The following FOXN4 variants were observed in gnomAD, a reference collection of about 807,000 sequenced individuals.
FOXN4 encodes the protein forkhead box protein N4.
FOXN4 carries 12 observed loss-of-function variants against 45.0 expected under a neutral mutation model. The ratio of observed to expected loss-of-function variants is 0.27; its 90% CI spans 0.17 to 0.43. The LOEUF is 0.43. Among genes scored for constraint, FOXN4 ranks in the 20% least tolerant of loss-of-function variants. The pLI is 1.00. For missense variants in FOXN4, 560 were observed against 694.9 expected (o/e 0.81, Z 2.18); for synonymous variants, 297 against 295.0 (o/e 1.01, Z -0.07).
rs1424967920 is a variant in FOXN4 at position 109,290,236 on chromosome 12, A to G, written c.137T>C (p.Leu46Pro). 1 of 1,551,480 alleles carries G rather than the reference A, an allele frequency of 6.4e-7. No individual in the cohort carries two copies. ...CACATCCACCGCCGTGAGCCACGAC[A>G]GCGACTGCAGGTCCCCGGGAAGGTC... Reference protein sequence around the residue: ...DDDLPGDLQSLSWLTAVDVPR... With the variant: ...DDDLPGDLQSPSWLTAVDVPR... Residue 46 changes from leucine to proline, a missense_variant, in exon 3 of 10, where the codon CTG (leucine) becomes CCG (proline). By Grantham distance (98) the Leu-to-Pro change is moderately conservative. Around this residue, in one of 5 missense-constraint regions of FOXN4, gnomAD observed 142 missense variants for 185.7 expected, o/e 0.76. Transcript: ENST00000299162. The surrounding 1 kb of genome is among the most constrained non-coding windows in gnomAD (Gnocchi z 5.1).
chr12:109,288,056 G>A lies in FOXN4; in HGVS notation c.357C>T (p.Ser119=), dbSNP rs984157046. 5.5e-5 allele frequency: 85 copies of A among 1,549,930 alleles called. No homozygotes were observed. The highest frequency in any genetic ancestry group is 6.6e-5 in the Non-Finnish European group (76 of 1,146,622). ...GLGPITGHRD[S]MSQFPVGGQP... ...CCGCAGTCCATGCAGTGCCACTTAC[G>A]CTGTCTCTGTGGCCAGTTATGGGGC... Residue 119 remains serine (S), a splice_region_variant and synonymous_variant, in exon 4 of 10, where the codon AGC becomes AGT. Transcript: ENST00000299162. The surrounding 1 kb of genome is among the most constrained non-coding windows in gnomAD (Gnocchi z 4.3).
chr12:109,284,714 G>A (rs558776374), intron 8 of FOXN4, among the ~76,000 whole-genome samples: 2 of 152,134 alleles, frequency 1.3e-5, no homozygotes, highest in South Asian at 2.1e-4. Context: ...GGTTGGCTAC[G>A]CTCCGGTGGA....
Position 109,288,248 on chromosome 12 carries a change from G to A in FOXN4, c.233-68C>T, listed in dbSNP as rs1324003953. 1 of 1,506,896 alleles carries A rather than the reference G, an allele frequency of 6.6e-7. No individual in the cohort carries two copies. The highest frequency in any genetic ancestry group is 8.8e-7 in the Non-Finnish European group (1 of 1,134,814). 93.3% of individuals were successfully genotyped at this position (1,506,896 alleles called of 1,614,324 possible). A position where few individuals can be genotyped will look rare whatever the true frequency, so the allele number is the denominator to read the frequency against. ...GGTGGCTGCCACCAGGAACAGCCCA[G>A]TGCCCAGGTGTCTCCGGAGAACGGA... On this transcript the variant is annotated intron_variant, in intron 3 of 9. Coordinates refer to ENST00000299162, the MANE Select transcript of FOXN4 (RefSeq NM_213596.3). This position sits in a 1 kb window ranked among gnomAD's most constrained non-coding sequence, Gnocchi z 4.3.
chr12:109,283,347 T>C (rs1366485666), intron 8 of FOXN4, among the ~76,000 whole-genome samples: 1 of 152,190 alleles, frequency 6.6e-6, no homozygotes, highest in Non-Finnish European at 1.5e-5. Context: ...TCTCATTCTC[T>C]CACTCGCTCT....
At position 109,291,359 on chromosome 12, in the gene FOXN4, T is replaced by C. The variant is rs2047766733; in HGVS notation, c.87-1073A>G. On this transcript the variant is annotated intron_variant, in intron 2 of 9. Coordinates refer to ENST00000299162, the MANE Select transcript of FOXN4 (RefSeq NM_213596.3). This position sits in a 1 kb window ranked among gnomAD's most constrained non-coding sequence, Gnocchi z 6.6. ...CCGACTCCACCACATCTGCCACCCC[T>C]GTAGCCAGGGGCTTTCTGTGTCACC... Among the ~76,000 whole-genome samples, 1 of 152,022 alleles carries C rather than the reference T, an allele frequency of 6.6e-6. No individual in the cohort carries two copies. Among genetic ancestry groups the C allele is most frequent in the Non-Finnish European group, 1.5e-5 (1 of 67,992 alleles).
Position 109,308,302 on chromosome 12 carries a change from G to A in FOXN4, c.20C>T (p.Ser7Leu). ...TCGAATAATTCCTGACATTATGGAT[G>A]AGGTGTCACTTTCTATCATCTCCTT... MIESDT[S>L]SIMSGIIRNS... Residue 7 changes from serine to leucine, a missense_variant, in exon 2 of 10, where the codon TCA becomes TTA. Transcript: ENST00000299162. 1 of 1,551,852 alleles carries A rather than the reference G, an allele frequency of 6.4e-7. No individual in the cohort carries two copies. Among genetic ancestry groups the A allele is most frequent in the Non-Finnish European group, 8.7e-7 (1 of 1,146,928 alleles).
chr12:109,293,955 G>A (rs1385989637), intron 2 of FOXN4, among the ~76,000 whole-genome samples: 1 of 152,216 alleles, frequency 6.6e-6, no homozygotes, highest in Non-Finnish European at 1.5e-5. Flanking sequence ...AGAGGGGGAA[G>A]CTGAGGCCAG....
At chr12:109,280,045 T>C (rs1436828699) in intron 9 of FOXN4, 115 bp from the exon 10 acceptor site, 1 of 1,449,714 alleles carries the variant, frequency 6.9e-7, no homozygotes, top group Non-Finnish European at 9.4e-7. Context: ...TCATGTGTTG[T>C]AGAAAAAGGG....
chr12:109,302,795 T>G (rs1232383083), intron 2 of FOXN4, among the ~76,000 whole-genome samples: 1 of 152,180 alleles, frequency 6.6e-6, no homozygotes, highest in African/African-American at 2.4e-5. Context: ...GCGCGGCAAC[T>G]CCGCCCTGAT....
intron 7 of FOXN4, among the ~76,000 whole-genome samples, chr12:109,285,836 T>TA (rs1646764609): frequency 6.6e-6 from 1 of 151,736 alleles, no homozygotes; most frequent in South Asian, 2.1e-4. Context: ...AATAAATGGA[T>TA]AACTGATCGA....
intron 3 of FOXN4, among the ~76,000 whole-genome samples, chr12:109,289,254 T>C (rs1480705841): frequency 6.6e-6 from 1 of 152,260 alleles, no homozygotes; most frequent in Non-Finnish European, 1.5e-5. Flanking sequence ...AGCCAAACTC[T>C]GTTTTTGTAA....
In FOXN4 at chr12:109,284,667, T is replaced by C. The variant is rs72487529; in HGVS notation, c.901+637A>G. Reference sequence around the variant, plus strand: ...AGGTCCTTCCTCTTCCACGTGTGTGTGCGCACATGTGTGTGTGTGCATCCA... The same window carrying C: ...AGGTCCTTCCTCTTCCACGTGTGTGCGCGCACATGTGTGTGTGTGCATCCA... On this transcript the variant is annotated intron_variant, in intron 8 of 9. Transcript: ENST00000299162. Among the ~76,000 whole-genome samples, 7 of 151,054 alleles carry C rather than the reference T, an allele frequency of 4.6e-5. No homozygotes were observed. The East Asian group carries it at 9.7e-4, about 21-fold the overall frequency.
rs1385226098 is a variant in FOXN4, at chr12:109,286,723, C to T, written c.618G>A (p.Leu206=). 2 of 1,607,564 alleles carry T rather than the reference C, an allele frequency of 1.2e-6. No individual in the cohort carries two copies. The highest frequency in any genetic ancestry group is 2.7e-5 in the African/African-American group (2 of 74,872). ...GCAGGCTGCCTGTCTTGCTGTTCTT[C>T]AGGGCCATGGCGATCAGACAGCTGG... ...YSYSCLIAMA[L]KNSKTGSLPV... The change falls in exon 7 of 10, where the codon CTG becomes CTA. Residue 206 remains leucine (L), a synonymous_variant. Coordinates refer to ENST00000299162, the MANE Select transcript of FOXN4 (RefSeq NM_213596.3).
intron 2 of FOXN4, among the ~76,000 whole-genome samples, chr12:109,299,868 G>A (rs183788261): frequency 3.3e-4 from 51 of 152,302 alleles, no homozygotes; most frequent in African/African-American, 8.9e-4. Context: ...CCATCCCAGC[G>A]GGGCAGCCCA....
At chr12:109,307,045 C>A (rs1210450157) in intron 2 of FOXN4, among the ~76,000 whole-genome samples, 1 of 152,200 alleles carries the variant, frequency 6.6e-6, no homozygotes, top group African/African-American at 2.4e-5. Context: ...TAGGTGCTTG[C>A]AAACTGCCAC....
chr12:109,293,654 C>T (rs1010745634), intron 2 of FOXN4, among the ~76,000 whole-genome samples: 9 of 152,222 alleles, frequency 5.9e-5, no homozygotes, highest in African/African-American at 2.2e-4. Flanking sequence ...CGCGCCACCA[C>T]GCTGGGCTAA....
chr12:109,281,360 T>TCTCCC (rs764122517), intron 9 of FOXN4, 47 bp downstream of exon 9: 1 of 1,599,928 alleles, frequency 6.3e-7, no homozygotes, highest in South Asian at 1.1e-5. Flanking sequence ...CCCCCGGGCC[T>TCTCCC]CTCCCCTCCC....
rs2047735763 is a variant in FOXN4, at chr12:109,288,350, T to C, written c.233-170A>G. 6.6e-6 allele frequency among the ~76,000 whole-genome samples: 1 copy of C among 152,166 alleles called. No individual in the cohort carries two copies. The highest frequency in any genetic ancestry group is 1.5e-5 in the Non-Finnish European group (1 of 68,026). On this transcript the variant is annotated intron_variant, in intron 3 of 9. Transcript: ENST00000299162. The surrounding 1 kb of genome is among the most constrained non-coding windows in gnomAD (Gnocchi z 4.3). Reference sequence around the variant, plus strand: ...TCCCTGGTGTGTAGTGAAAAGTAGGTTCTTACCAGCTGTATAACCTTAGGT... The same window carrying C: ...TCCCTGGTGTGTAGTGAAAAGTAGGCTCTTACCAGCTGTATAACCTTAGGT...
intron 2 of FOXN4, among the ~76,000 whole-genome samples, chr12:109,304,624 A>T (rs2047905250): frequency 6.6e-6 from 1 of 151,836 alleles, no homozygotes; most frequent in South Asian, 2.1e-4. Context: ...CCCCAGGGAC[A>T]GGGCAGCCGC....
Sources: gnomAD v4.1 joint callset for allele counts (sites outside exome capture counted in the v4.1 genomes callset) on GRCh38, gnomAD v4.1.1 for gene constraint, gnomAD v4.1.1 regional missense constraint, Gnocchi (gnomAD v3.1) non-coding constraint, MANE v1.5 for transcripts, NCBI Gene and HGNC (gene_info 2026-07-23, HGNC 2026-07-21) for gene names.